STS: variants seen among roughly 807,000 people sequenced by gnomAD.
The protein encoded by STS is steroid sulfatase, also known as steryl-sulfatase.
Under a neutral mutation model 26.8 loss-of-function variants are expected in STS, and 7 were observed. The observed-to-expected ratio is 0.26, with a 90% CI of 0.15 to 0.49. The LOEUF (loss-of-function observed/expected upper bound fraction) is 0.49. Ranked by LOEUF, STS falls within the 20% of genes least tolerant of loss-of-function variation. STS has a pLI of 0.98. For synonymous variants in STS, 199 were observed against 189.4 expected, an observed-to-expected ratio of 1.05 and a Z score of -0.42; for missense variants, 434 against 465.6, an observed-to-expected ratio of 0.93 and a Z score of 0.63.
At chrX:7,208,337 G>A (rs1433183925) in intron 2 of STS, among the ~76,000 whole-genome samples, 7 of 112,166 alleles carry the variant, frequency 6.2e-5, no homozygotes, top group African/African-American at 2.3e-4. Flanking sequence ...ACTCACCATG[G>A]AAACAGTTTA....
intron 6 of STS, among the ~76,000 whole-genome samples, chrX:7,270,672 TAG>T (rs772522492): frequency 8.9e-6 from 1 of 112,084 alleles, no homozygotes; most frequent in Non-Finnish European, 1.9e-5. Flanking sequence ...CACTGCTTTA[TAG>T]AGAGATGATA....
chrX:7,328,183 C>T (rs994842094), intron 9 of STS, among the ~76,000 whole-genome samples: 1 of 111,872 alleles, frequency 8.9e-6, no homozygotes, highest in Admixed American at 9.5e-5. Context: ...TTCAGCCAAT[C>T]TCATTTATTA....
In STS at chrX:7,351,898, GTTC is replaced by G. The variant is rs1289646255; in HGVS notation, c.*1642_*1644del. 2.0e-5 allele frequency: 2 copies of G among 100,502 alleles called. No homozygotes were observed. The highest frequency in any genetic ancestry group is 7.4e-5 in the African/African-American group (2 of 27,126). The allele number at this position is 100,502 out of a possible 1,213,427, so 8.3% of individuals were successfully genotyped here. ...CAGCATTTCCCCAGTTGCCCTTTAA[GTTC>G]TTCTATTTCAAACGTTAATTTTGCT... On this transcript the variant is annotated 3_prime_UTR_variant, in exon 11 of 11. Transcript: ENST00000674429.
At chrX:7,222,805 G>C (rs1415393858) in intron 2 of STS, among the ~76,000 whole-genome samples, 1 of 110,856 alleles carries the variant, frequency 9.0e-6, no homozygotes, top group Non-Finnish European at 1.9e-5. Flanking sequence ...TTTGTTACAG[G>C]GATATATTGT....
At chrX:7,241,026 C>T (rs752538086) in intron 2 of STS, among the ~76,000 whole-genome samples, 2 of 111,532 alleles carry the variant, frequency 1.8e-5, no homozygotes, top group South Asian at 3.8e-4. Flanking sequence ...TGTCTGATCA[C>T]GATGATTTAT....
chrX:7,210,936 A>G (rs73192677), intron 2 of STS, among the ~76,000 whole-genome samples: 4,225 of 110,923 alleles, frequency 0.038, 93 homozygotes, highest in Admixed American at 0.11. Context: ...TATGTACATT[A>G]TGGAATGGCT....
chrX:7,322,147 T>A (rs1927065809), intron 8 of STS, among the ~76,000 whole-genome samples: 2 of 112,601 alleles, frequency 1.8e-5, no homozygotes, highest in African/African-American at 6.4e-5. Flanking sequence ...TTACACCATC[T>A]TGAGGTTACA....
chrX:7,312,962 G>T (rs188642957), intron 8 of STS, among the ~76,000 whole-genome samples: 66 of 111,922 alleles, frequency 5.9e-4, no homozygotes, highest in Non-Finnish European at 9.8e-4. Context: ...TTTTAGTTGA[G>T]TTTAGAGTTG....
At chrX:7,167,419 T>A (rs968510014) in intron 1 of STS, among the ~76,000 whole-genome samples, 1 of 110,797 alleles carries the variant, frequency 9.0e-6, no homozygotes, top group African/African-American at 3.3e-5. Context: ...TTTCGCCATG[T>A]TGGTCAGGCT....
chrX:7,276,569 A>T (rs1313200543), intron 7 of STS, among the ~76,000 whole-genome samples: 2 of 112,544 alleles, frequency 1.8e-5, no homozygotes, highest in Admixed American at 1.9e-4. Context: ...GATGGAAGAG[A>T]TTCATGGACG....
chrX:7,299,434 A>T (rs1468319339), intron 7 of STS, among the ~76,000 whole-genome samples: 1 of 103,479 alleles, frequency 9.7e-6, no homozygotes, highest in Admixed American at 1.1e-4. Flanking sequence ...TGTGTATATA[A>T]AAATATATAC....
chrX:7,313,767 C>T lies in STS; in HGVS notation c.1081+8584C>T, dbSNP rs183240253. ...TCTCCGACTGCTACTAATTTACATT[C>T]TACTAGAAGCTAGTAGCTTAAATTC... On this transcript the variant is annotated intron_variant, in intron 8 of 10. Coordinates refer to ENST00000674429, the MANE Select transcript of STS (RefSeq NM_001320752.2). 3.3e-4 allele frequency among the ~76,000 whole-genome samples: 37 copies of T among 112,292 alleles called. 2 individuals carry two copies. In the East Asian group the frequency reaches 0.01, roughly 31 times the overall value.
intron 2 of STS, among the ~76,000 whole-genome samples, chrX:7,242,105 A>G (rs1922648216): frequency 9.0e-6 from 1 of 110,744 alleles, no homozygotes; most frequent in South Asian, 3.8e-4. Context: ...CACTTTTTCC[A>G]TATCCTACTC....
chrX:7,286,451 G>A (rs374095682), intron 7 of STS, among the ~76,000 whole-genome samples: 8 of 110,952 alleles, frequency 7.2e-5, no homozygotes, highest in African/African-American at 2.6e-4. Context: ...CAGATAGACA[G>A]TATCTTCTCA....
intron 8 of STS, among the ~76,000 whole-genome samples, chrX:7,312,272 T>C (rs1926514954): frequency 9.0e-6 from 1 of 111,715 alleles, no homozygotes; most frequent in Non-Finnish European, 1.9e-5. Flanking sequence ...AAGGTCTCCC[T>C]GGACCACCAA....
intron 1 of STS, among the ~76,000 whole-genome samples, 195 bp from the exon 2 acceptor site, chrX:7,190,685 A>T (rs1477791771): frequency 9.1e-6 from 1 of 109,601 alleles, no homozygotes; most frequent in African/African-American, 3.3e-5. Flanking sequence ...CTGAGGTGGG[A>T]GGATTACTTG....
At chrX:7,157,919 A>G (rs1230044477) in intron 1 of STS, among the ~76,000 whole-genome samples, 1 of 111,928 alleles carries the variant, frequency 8.9e-6, no homozygotes, top group East Asian at 2.8e-4. Flanking sequence ...TGAGATGGAA[A>G]AAAATGGCAT....
chrX:7,204,067 T>A (rs187675317), intron 2 of STS, among the ~76,000 whole-genome samples: 7 of 112,398 alleles, frequency 6.2e-5, no homozygotes, highest in Non-Finnish European at 9.4e-5. Flanking sequence ...ATTACAGGCA[T>A]GAGCCACTGC....
At chrX:7,316,461 G>A (rs1294197462) in intron 8 of STS, among the ~76,000 whole-genome samples, 1 of 112,048 alleles carries the variant, frequency 8.9e-6, no homozygotes, top group African/African-American at 3.2e-5. Flanking sequence ...AATTACAACA[G>A]CAGAGTTGAG....
Sources: gnomAD v4.1 joint callset for allele counts (sites outside exome capture counted in the v4.1 genomes callset) on GRCh38, gnomAD v4.1.1 for gene constraint, MANE v1.5 for transcripts, NCBI Gene and HGNC (gene_info 2026-07-23, HGNC 2026-07-21) for gene names.